The following CDK14 variants were observed in gnomAD, a reference collection of about 807,000 sequenced individuals.
CDK14 encodes the protein cyclin dependent kinase 14.
A neutral mutation model predicts 60.7 loss-of-function variants in CDK14; 34 were observed. The ratio of observed to expected loss-of-function variants is 0.56; its 90% confidence interval spans 0.43 to 0.75. CDK14 has a LOEUF of 0.75. Ranked by LOEUF, CDK14 falls within the 30% of genes least tolerant of loss-of-function variation. The pLI is 0.00. For synonymous variants in CDK14, 197 were observed against 203.7 expected, an observed-to-expected ratio of 0.97 and a Z score of 0.28; for missense variants, 482 against 564.1, an observed-to-expected ratio of 0.85 and a Z score of 1.47.
intron 14 of CDK14, among the ~76,000 whole-genome samples, chr7:91,183,830 T>G (rs187249315): frequency 2.6e-5 from 4 of 152,344 alleles, no homozygotes. Flanking sequence ...GCCTTATCTA[T>G]TCATTGTCTC....
chr7:91,036,904 G>A (rs1796950184), intron 10 of CDK14, among the ~76,000 whole-genome samples: 1 of 152,132 alleles, frequency 6.6e-6, no homozygotes, highest in Admixed American at 6.6e-5. Flanking sequence ...CATCACTTTT[G>A]CCATATTCTG....
intron 10 of CDK14, among the ~76,000 whole-genome samples, chr7:91,017,741 G>A (rs1275216841): frequency 6.6e-6 from 1 of 152,208 alleles, no homozygotes; most frequent in African/African-American, 2.4e-5. Context: ...AACTCTTTTA[G>A]GAAGGGCTAA....
intron 10 of CDK14, among the ~76,000 whole-genome samples, chr7:91,011,150 T>G (rs1229331264): frequency 6.6e-6 from 1 of 152,030 alleles, no homozygotes; most frequent in Non-Finnish European, 1.5e-5. Context: ...CTACTGAGAT[T>G]ATGATATCAT....
chr7:90,618,193 A>T (rs1370054299), intron 2 of CDK14, among the ~76,000 whole-genome samples: 3 of 152,200 alleles, frequency 2.0e-5, no homozygotes, highest in Non-Finnish European at 4.4e-5. Context: ...TGGAGGAAAC[A>T]GACAGGTTTT....
intron 14 of CDK14, among the ~76,000 whole-genome samples, chr7:91,173,010 C>T (rs1801576413): frequency 6.6e-6 from 1 of 152,198 alleles, no homozygotes; most frequent in Non-Finnish European, 1.5e-5. Flanking sequence ...TAAAATTCAT[C>T]TGCTTGAGAA....
intron 2 of CDK14, among the ~76,000 whole-genome samples, chr7:90,702,616 C>T (rs532300411): frequency 1.4e-5 from 2 of 145,146 alleles, no homozygotes; most frequent in South Asian, 4.3e-4. Flanking sequence ...TTAATGTCTT[C>T]AGTTGGTTAT....
chr7:90,926,364 A>G (rs754602148), intron 8 of CDK14, among the ~76,000 whole-genome samples: 6 of 152,234 alleles, frequency 3.9e-5, no homozygotes, highest in Admixed American at 1.3e-4. Context: ...ACAGTAGACT[A>G]GTAGGAAACC....
intron 7 of CDK14, among the ~76,000 whole-genome samples, chr7:90,907,239 G>A (rs545190195): frequency 3.6e-4 from 55 of 152,042 alleles, no homozygotes; most frequent in African/African-American, 1.3e-3. Flanking sequence ...TCCCTTTAAA[G>A]ACCATTCACT....
rs532577969 is a variant in CDK14 at position 90,695,338 on chromosome 7, G to A, written c.124-31229G>A. On this transcript the variant is annotated intron_variant, in intron 2 of 14. Transcript: ENST00000380050. Reference sequence around the variant, plus strand: ...AAAAATATTTAATGGTTTCTTTGGCGTCATACCATGTGTATTAAAAGTAAT... The same window carrying A: ...AAAAATATTTAATGGTTTCTTTGGCATCATACCATGTGTATTAAAAGTAAT... 5.7e-4 allele frequency among the ~76,000 whole-genome samples: 87 copies of A among 152,200 alleles called. No homozygotes were observed. In the South Asian group the frequency reaches 0.014, roughly 25 times the overall value.
chr7:90,747,323 T>C (rs1440071543), intron 3 of CDK14, among the ~76,000 whole-genome samples: 1 of 152,076 alleles, frequency 6.6e-6, no homozygotes, highest in Non-Finnish European at 1.5e-5. Context: ...GTGTTCATAA[T>C]TGATTGAATA....
At chr7:90,814,217 A>C (rs928930118) in intron 5 of CDK14, among the ~76,000 whole-genome samples, 3 of 151,528 alleles carry the variant, frequency 2.0e-5, no homozygotes, top group Non-Finnish European at 4.4e-5. Context: ...AAAGAGTGAG[A>C]TAGAAATCGT....
chr7:90,929,534 A>G (rs1793526553), intron 8 of CDK14, among the ~76,000 whole-genome samples: 1 of 152,218 alleles, frequency 6.6e-6, no homozygotes, highest in Non-Finnish European at 1.5e-5. Context: ...TCACAGTGCT[A>G]TTCAGTTTAG....
intron 1 of CDK14, among the ~76,000 whole-genome samples, chr7:90,601,904 C>T (rs926493224): frequency 3.3e-5 from 5 of 151,244 alleles, no homozygotes; most frequent in Non-Finnish European, 7.4e-5. Flanking sequence ...AGGGCACCAC[C>T]ACCACGCTTG....
chr7:90,732,364 T>C (rs1802902533), intron 3 of CDK14, among the ~76,000 whole-genome samples: 1 of 152,246 alleles, frequency 6.6e-6, no homozygotes, highest in African/African-American at 2.4e-5. Context: ...TAAAATGAGT[T>C]AGGGAGGATT....
intron 12 of CDK14, among the ~76,000 whole-genome samples, chr7:91,097,498 T>A (rs1181243459): frequency 3.3e-5 from 5 of 152,096 alleles, no homozygotes; most frequent in Non-Finnish European, 7.4e-5. Context: ...ATACAAAAAA[T>A]TATATCTAGA....
chr7:90,636,575 G>C (rs1458689358), intron 2 of CDK14, among the ~76,000 whole-genome samples: 1 of 151,786 alleles, frequency 6.6e-6, no homozygotes, highest in East Asian at 2.0e-4. Context: ...TGTTCATCAA[G>C]GATATTGGTC....
chr7:91,096,123 G>A (rs889053254), intron 12 of CDK14, among the ~76,000 whole-genome samples: 1 of 141,256 alleles, frequency 7.1e-6, no homozygotes, highest in East Asian at 2.1e-4. Flanking sequence ...GTGGCCAGCA[G>A]CCCCAAAGGT....
At chr7:90,860,096 T>G (rs1362420620) in intron 5 of CDK14, among the ~76,000 whole-genome samples, 7 of 152,156 alleles carry the variant, frequency 4.6e-5, no homozygotes, top group Non-Finnish European at 1.0e-4. Flanking sequence ...TATTTTTGTT[T>G]TTACTCAGGT....
chr7:90,875,118 C>A (rs978446032), intron 6 of CDK14, among the ~76,000 whole-genome samples: 1 of 152,050 alleles, frequency 6.6e-6, no homozygotes, highest in Non-Finnish European at 1.5e-5. Context: ...AATATGTGAC[C>A]CTTTGTCATT....
Sources: allele counts gnomAD v4.1 joint callset (sites outside exome capture counted in the v4.1 genomes callset), GRCh38; gene constraint gnomAD v4.1.1; transcripts MANE v1.5; gene names NCBI Gene and HGNC (gene_info 2026-07-23, HGNC 2026-07-21).